PARD3B: variants seen among roughly 807,000 people sequenced by gnomAD.
PARD3B encodes the protein par-3 family cell polarity regulator beta.
Under a neutral mutation model 130.2 loss-of-function variants are expected in PARD3B, and 103 were observed. The ratio of observed to expected loss-of-function variants is 0.79; its 90% CI spans 0.67 to 0.93. PARD3B has a LOEUF of 0.93. Among genes scored for constraint, PARD3B ranks in the 40% least tolerant of loss-of-function variants. The pLI is 0.00. For missense variants in PARD3B, 1,609 were observed against 1,499.2 expected (o/e 1.07, Z -1.21); for synonymous variants, 583 against 553.2 (o/e 1.05, Z -0.76).
chr2:205,072,353 C>T (rs868594833), intron 4 of PARD3B, among the ~76,000 whole-genome samples: 3 of 151,760 alleles, frequency 2.0e-5, no homozygotes, highest in African/African-American at 7.3e-5. Context: ...TGGGTTCAAG[C>T]GATTCTCCTG....
chr2:204,550,799 A>G (rs936569932), intron 1 of PARD3B, among the ~76,000 whole-genome samples: 3 of 152,156 alleles, frequency 2.0e-5, no homozygotes, highest in African/African-American at 7.2e-5. Context: ...AATCTAAGAG[A>G]ATTTGTGTAG....
intron 1 of PARD3B, among the ~76,000 whole-genome samples, chr2:204,576,814 T>G (rs2032283969): frequency 6.6e-6 from 1 of 152,288 alleles, no homozygotes; most frequent in Admixed American, 6.5e-5. Context: ...GGCACACTCA[T>G]GAGAGGGTTG....
intron 2 of PARD3B, among the ~76,000 whole-genome samples, chr2:204,687,232 C>T (rs962387301): frequency 3.9e-5 from 6 of 152,114 alleles, no homozygotes; most frequent in African/African-American, 2.4e-5. Context: ...TCTCTTCAGA[C>T]TGTTCAAACT....
At chr2:204,846,676 G>T (rs2044473914) in intron 2 of PARD3B, among the ~76,000 whole-genome samples, 1 of 149,964 alleles carries the variant, frequency 6.7e-6, no homozygotes, top group Non-Finnish European at 1.5e-5. Context: ...AAGGTCCAGT[G>T]AGCACACGAG....
intron 1 of PARD3B, among the ~76,000 whole-genome samples, chr2:204,656,988 C>G (rs1383160699): frequency 6.6e-6 from 1 of 152,108 alleles, no homozygotes; most frequent in African/African-American, 2.4e-5. Flanking sequence ...TCTGGATACC[C>G]AGAGTGAGTG....
At chr2:204,598,234 T>TA (rs1471134091) in intron 1 of PARD3B, among the ~76,000 whole-genome samples, 2 of 152,126 alleles carry the variant, frequency 1.3e-5, no homozygotes, top group Non-Finnish European at 2.9e-5. Context: ...TTTGTGAATT[T>TA]AAAAAAAGCA....
At chr2:204,549,363 T>C (rs1248441300) in intron 1 of PARD3B, among the ~76,000 whole-genome samples, 1 of 152,162 alleles carries the variant, frequency 6.6e-6, no homozygotes, top group African/African-American at 2.4e-5. Context: ...GATTGTCTTC[T>C]TATGTGCTTA....
chr2:205,278,523 C>T (rs1485538406), intron 16 of PARD3B, among the ~76,000 whole-genome samples: 1 of 151,990 alleles, frequency 6.6e-6, no homozygotes, highest in African/African-American at 2.4e-5. Context: ...AAGAGAAATA[C>T]AGAAATGGGA....
chr2:204,573,348 C>A (rs1034492536), intron 1 of PARD3B, among the ~76,000 whole-genome samples: 45 of 152,142 alleles, frequency 3.0e-4, no homozygotes, highest in African/African-American at 1.0e-3. Context: ...ATTCATGGAG[C>A]ATTACTGAAC....
At chr2:204,909,281 A>G (rs1204448328) in intron 2 of PARD3B, among the ~76,000 whole-genome samples, 1 of 152,216 alleles carries the variant, frequency 6.6e-6, no homozygotes, top group East Asian at 1.9e-4. Flanking sequence ...TTCTGTGGAA[A>G]TGAAAGACAA....
At chr2:205,239,017 C>A (rs1257680561) in intron 15 of PARD3B, among the ~76,000 whole-genome samples, 2 of 149,246 alleles carry the variant, frequency 1.3e-5, no homozygotes, top group Non-Finnish European at 3.0e-5. Context: ...CTATCATAAT[C>A]TATTTGTGAA....
intron 1 of PARD3B, among the ~76,000 whole-genome samples, chr2:204,589,765 G>A (rs2032997281): frequency 6.6e-6 from 1 of 152,208 alleles, no homozygotes; most frequent in South Asian, 2.1e-4. Flanking sequence ...CAATGTTGGT[G>A]CCATTGACAA....
intron 5 of PARD3B, among the ~76,000 whole-genome samples, chr2:205,111,259 G>A (rs764134500): frequency 1.3e-4 from 19 of 151,770 alleles, no homozygotes; most frequent in Non-Finnish European, 1.8e-4. Context: ...TACTATTTTT[G>A]TGATAATAAT....
intron 2 of PARD3B, among the ~76,000 whole-genome samples, chr2:204,803,993 T>A (rs1204568325): frequency 6.6e-6 from 1 of 152,090 alleles, no homozygotes; most frequent in East Asian, 1.9e-4. Flanking sequence ...GGTGGGCAGA[T>A]CACTTCAGCC....
chr2:204,848,447 C>A (rs549488037), intron 2 of PARD3B, among the ~76,000 whole-genome samples: 1 of 152,036 alleles, frequency 6.6e-6, no homozygotes, highest in Non-Finnish European at 1.5e-5. Context: ...TCAGCCTGGG[C>A]AACATTGTGA....
At chr2:205,272,647 G>A (rs1035485746) in intron 16 of PARD3B, among the ~76,000 whole-genome samples, 12 of 152,146 alleles carry the variant, frequency 7.9e-5, no homozygotes, top group East Asian at 1.9e-4. Flanking sequence ...GGCCTCCTGC[G>A]TCTCCATCCA....
chr2:205,084,072 A>G (rs973367522), intron 4 of PARD3B, among the ~76,000 whole-genome samples: 6 of 152,148 alleles, frequency 3.9e-5, no homozygotes, highest in African/African-American at 1.4e-4. Context: ...TACTTCGTCC[A>G]TATTAAAACT....
intron 4 of PARD3B, among the ~76,000 whole-genome samples, chr2:205,050,904 G>A (rs1235734679): frequency 1.3e-5 from 2 of 152,028 alleles, no homozygotes; most frequent in Non-Finnish European, 2.9e-5. Context: ...GTTTGCCTGG[G>A]GCAGTCCTGG....
chr2:204,770,722 C>A (rs1324581654), intron 2 of PARD3B, among the ~76,000 whole-genome samples: 1 of 151,936 alleles, frequency 6.6e-6, no homozygotes, highest in Non-Finnish European at 1.5e-5. Flanking sequence ...CTACTCATAC[C>A]TACTGACATC....
Sources: gnomAD v4.1 joint callset for allele counts (sites outside exome capture counted in the v4.1 genomes callset) on GRCh38, gnomAD v4.1.1 for gene constraint, MANE v1.5 for transcripts, NCBI Gene and HGNC (gene_info 2026-07-23, HGNC 2026-07-21) for gene names.